The following PPP4R2 variants were observed in gnomAD, a reference collection of about 807,000 sequenced individuals.
PPP4R2 encodes protein phosphatase 4 regulatory subunit 2, also known as serine/threonine-protein phosphatase 4 regulatory subunit 2.
In PPP4R2, 13 loss-of-function variants were observed where a neutral mutation model predicts 47.2. That is an observed-to-expected ratio of 0.28 (90% CI 0.18 to 0.44). PPP4R2 has a LOEUF of 0.44. Among genes scored for constraint, PPP4R2 ranks in the 20% least tolerant of loss-of-function variants. The pLI is 1.00. For synonymous variants in PPP4R2, 151 were observed against 163.3 expected, an observed-to-expected ratio of 0.92 and a Z score of 0.57; for missense variants, 421 against 491.2, an observed-to-expected ratio of 0.86 and a Z score of 1.35.
intron 2 of PPP4R2, among the ~76,000 whole-genome samples, chr3:73,023,455 G>T (rs889700169): frequency 1.3e-5 from 2 of 152,056 alleles, no homozygotes; most frequent in Non-Finnish European, 2.9e-5. Context: ...CAAAGTGCTG[G>T]GATTAGAGGC....
intron 2 of PPP4R2, among the ~76,000 whole-genome samples, chr3:73,018,422 T>TGTTATGTTATGTTATGTTAG (rs1701886798): frequency 1.0e-5 from 1 of 95,884 alleles, no homozygotes; most frequent in African/African-American, 4.7e-5. Context: ...TGTTATGTTA[T>TGTTATGTTATGTTATGTTAG]GTTATGTTAT....
intron 2 of PPP4R2, among the ~76,000 whole-genome samples, chr3:73,011,814 A>G (rs1701731445): frequency 6.6e-6 from 1 of 152,224 alleles, no homozygotes; most frequent in Non-Finnish European, 1.5e-5. Flanking sequence ...TATTTAATAT[A>G]TGCATCTTGG....
intron 2 of PPP4R2, among the ~76,000 whole-genome samples, chr3:73,020,677 A>T (rs1188489413): frequency 2.0e-5 from 3 of 151,710 alleles, no homozygotes; most frequent in African/African-American, 4.8e-5. Flanking sequence ...CTCTTTAAAA[A>T]AAAAAAAAAA....
At chr3:73,021,746 T>G (rs746999889) in intron 2 of PPP4R2, among the ~76,000 whole-genome samples, 3 of 152,004 alleles carry the variant, frequency 2.0e-5, no homozygotes, top group Non-Finnish European at 4.4e-5. Flanking sequence ...TATATTCTGT[T>G]CCAAGTACTG....
chr3:73,035,425 G>C (rs1199506814), intron 2 of PPP4R2, among the ~76,000 whole-genome samples: 1 of 152,036 alleles, frequency 6.6e-6, no homozygotes, highest in Non-Finnish European at 1.5e-5. Context: ...AGAAATGGCA[G>C]ATTCTGGCAA....
chr3:73,034,809 A>C (rs1343908605), intron 2 of PPP4R2, among the ~76,000 whole-genome samples: 1 of 151,810 alleles, frequency 6.6e-6, no homozygotes, highest in Non-Finnish European at 1.5e-5. Flanking sequence ...TTGGGGTTAC[A>C]GGCATTGGCT....
chr3:73,039,483 T>G (rs959493623), intron 2 of PPP4R2, among the ~76,000 whole-genome samples: 5 of 152,188 alleles, frequency 3.3e-5, no homozygotes, highest in African/African-American at 1.2e-4. Context: ...AAAATTCTGT[T>G]CATAATTGTA....
At chr3:73,015,593 A>G (rs1339087568) in intron 2 of PPP4R2, among the ~76,000 whole-genome samples, 5 of 142,804 alleles carry the variant, frequency 3.5e-5, no homozygotes, top group Non-Finnish European at 7.5e-5. Context: ...CTTCTACCTC[A>G]GCCTCTCGAT....
intron 2 of PPP4R2, among the ~76,000 whole-genome samples, chr3:73,031,588 AAAC>A (rs774190650): frequency 7.9e-5 from 12 of 152,172 alleles, no homozygotes; most frequent in Non-Finnish European, 1.6e-4. Context: ...TATTTTTAAA[AAAC>A]AAGCAGTTTT....
intron 3 of PPP4R2, among the ~76,000 whole-genome samples, chr3:73,050,065 C>T (rs34802395): frequency 1.3e-5 from 2 of 152,092 alleles, no homozygotes. Context: ...CTCAACCTCT[C>T]GAGTAGCTGG....
chr3:73,055,417 CGTGTGTGTGTGTGTGTGTGTGTGT>C (rs10663655), intron 3 of PPP4R2, among the ~76,000 whole-genome samples: 2 of 137,416 alleles, frequency 1.5e-5, no homozygotes, highest in South Asian at 2.3e-4. Flanking sequence ...AGTGGGGTAG[CGTGTGTGTGTGTGTGTGTGTGTGT>C]GTGTGTGTGT....
intron 3 of PPP4R2, among the ~76,000 whole-genome samples, chr3:73,055,959 T>TC (rs750509157): frequency 1.8e-4 from 27 of 151,942 alleles, no homozygotes; most frequent in Non-Finnish European, 3.5e-4. Flanking sequence ...GATCACCACT[T>TC]CCCCCCAAAT....
Position 73,067,815 on chromosome 3 carries a change from A to G in PPP4R2, c.*2093A>G, listed in dbSNP as rs904604706. The G allele has an allele frequency of 3.9e-5, 6 of 152,314 alleles. No individual in the cohort carries two copies. Among genetic ancestry groups the G allele is most frequent in the Admixed American group, 3.3e-4 (5 of 15,296 alleles). 9.4% of individuals were successfully genotyped at this position (152,314 alleles called of 1,614,324 possible). ...GTAAACTTGCAATTGCTATATTTGC[A>G]AGGGCAAATGTATTTCTTTATTAAA... On this transcript the variant is annotated 3_prime_UTR_variant, in exon 9 of 9. Transcript: ENST00000356692.
intron 2 of PPP4R2, among the ~76,000 whole-genome samples, chr3:73,012,966 A>G (rs1701754317): frequency 2.1e-5 from 3 of 141,320 alleles, no homozygotes; most frequent in Admixed American, 7.3e-5. Flanking sequence ...TGAGATTTTC[A>G]TGTTTGTAGG....
intron 3 of PPP4R2, among the ~76,000 whole-genome samples, chr3:73,050,771 A>G (rs1416565241): frequency 6.6e-6 from 1 of 152,184 alleles, no homozygotes; most frequent in Non-Finnish European, 1.5e-5. Flanking sequence ...TTATGTGAAT[A>G]ATAGGTTTTT....
intron 2 of PPP4R2, among the ~76,000 whole-genome samples, chr3:73,041,045 A>C (rs906468202): frequency 1.3e-5 from 2 of 152,140 alleles, no homozygotes; most frequent in East Asian, 1.9e-4. Flanking sequence ...TATTTCTTAT[A>C]ATGGCTGTAC....
rs778969631 is a variant in PPP4R2, at chr3:73,031,622, G to A, written c.117-15564G>A. On this transcript the variant is annotated intron_variant, in intron 2 of 8. Coordinates refer to ENST00000356692, the MANE Select transcript of PPP4R2 (RefSeq NM_174907.4). ...GTTTTGTGATGGGTGGAAAAGCAAC[G>A]TTGGGTGGAGACTTTATCCTCTCTG... is the stretch of plus-strand genomic sequence containing the variant. 5.3e-5 allele frequency among the ~76,000 whole-genome samples: 8 copies of A among 151,912 alleles called. No homozygotes were observed. In the East Asian group the frequency reaches 1.5e-3, roughly 29 times the overall value.
At chr3:73,005,233 G>A (rs960036329) in intron 2 of PPP4R2, among the ~76,000 whole-genome samples, 28 of 151,834 alleles carry the variant, frequency 1.8e-4, no homozygotes, top group African/African-American at 6.3e-4. Flanking sequence ...GAGCCACTGC[G>A]CCCGGCCAAA....
chr3:73,032,674 A>T (rs1311393360), intron 2 of PPP4R2, among the ~76,000 whole-genome samples: 1 of 151,966 alleles, frequency 6.6e-6, no homozygotes, highest in African/African-American at 2.4e-5. Flanking sequence ...TTAATGTCTG[A>T]TTTCTTAGTA....
Sources: gnomAD v4.1 joint callset for allele counts (sites outside exome capture counted in the v4.1 genomes callset) on GRCh38, gnomAD v4.1.1 for gene constraint, MANE v1.5 for transcripts, NCBI Gene and HGNC (gene_info 2026-07-23, HGNC 2026-07-21) for gene names.